VAT1L: variants seen among roughly 807,000 people sequenced by gnomAD.
The protein encoded by VAT1L is putative NADPH-dependent quinone oxidoreductase VAT1L.
A neutral mutation model predicts 44.1 loss-of-function variants in VAT1L; 34 were observed. The observed-to-expected ratio is 0.77, with a 90% CI of 0.59 to 1.03. The LOEUF is 1.03. VAT1L is among the 50% of genes least tolerant of loss of function. VAT1L has a pLI of 0.00. For missense variants in VAT1L, 615 were observed against 538.8 expected, an observed-to-expected ratio of 1.14 and a Z score of -1.40; for synonymous variants, 253 against 202.2, an observed-to-expected ratio of 1.25 and a Z score of -2.13.
Position 77,884,781 on chromosome 16 carries a change from C to T in VAT1L, c.1056C>T (p.Asp352=). 1 of 1,548,724 alleles carries T rather than the reference C, an allele frequency of 6.5e-7. No individual in the cohort carries two copies. The highest frequency in any genetic ancestry group is 8.7e-7 in the Non-Finnish European group (1 of 1,150,368). The change falls in exon 7 of 9, where the codon GAC becomes GAT. Residue 352 remains aspartate, a synonymous_variant. Transcript: ENST00000302536. The surrounding 1 kb of genome is among the most constrained non-coding windows in gnomAD (Gnocchi z 4.5). ...YNQKKIKPVV[D]SLWALEEVKE... is the part of the protein sequence containing the mutation. ...AGAAGAAGATCAAGCCTGTGGTGGA[C>T]TCCTTGTGGGCTCTGGAGGAGGTAA...
intron 7 of VAT1L, among the ~76,000 whole-genome samples, chr16:77,967,172 G>A (rs2018232258): frequency 6.6e-6 from 1 of 152,172 alleles, no homozygotes; most frequent in Non-Finnish European, 1.5e-5. Context: ...GTTGACAACA[G>A]AGGAAGGGGA....
intron 2 of VAT1L, among the ~76,000 whole-genome samples, chr16:77,819,521 A>T (rs2016413089): frequency 6.6e-6 from 1 of 152,038 alleles, no homozygotes; most frequent in Non-Finnish European, 1.5e-5. Flanking sequence ...AGCTGGGATT[A>T]TAGGTGCCTG....
At chr16:77,811,673 C>G (rs2145228612) in intron 1 of VAT1L, among the ~76,000 whole-genome samples, 1 of 152,260 alleles carries the variant, frequency 6.6e-6, no homozygotes, top group East Asian at 1.9e-4. Context: ...GTAGCAGTAT[C>G]ATCACGGGAG....
At chr16:77,973,513 G>A (rs1019275587) in intron 8 of VAT1L, among the ~76,000 whole-genome samples, 3 of 152,172 alleles carry the variant, frequency 2.0e-5, no homozygotes, top group Admixed American at 6.5e-5. Context: ...TTGAACTCCT[G>A]ACCTCATGAT....
intron 7 of VAT1L, among the ~76,000 whole-genome samples, chr16:77,897,021 T>G (rs2017331842): frequency 6.6e-6 from 1 of 152,212 alleles, no homozygotes; most frequent in South Asian, 2.1e-4. Context: ...TAATATATCT[T>G]ATTTGCAGAA....
intron 1 of VAT1L, among the ~76,000 whole-genome samples, chr16:77,799,095 G>C (rs994244506): frequency 6.6e-6 from 1 of 152,096 alleles, no homozygotes; most frequent in African/African-American, 2.4e-5. Flanking sequence ...GAGCCCCAGT[G>C]CAAAGAGAAC....
At chr16:77,961,862 C>G (rs756756418) in intron 7 of VAT1L, among the ~76,000 whole-genome samples, 25 of 152,102 alleles carry the variant, frequency 1.6e-4, no homozygotes, top group Non-Finnish European at 3.2e-4. Flanking sequence ...TTTGTTGTTC[C>G]AAAATGAAGC....
intron 3 of VAT1L, among the ~76,000 whole-genome samples, chr16:77,847,887 C>T (rs1010782798): frequency 3.9e-5 from 6 of 152,142 alleles, no homozygotes; most frequent in Non-Finnish European, 7.4e-5. Flanking sequence ...AGGCTGTCAA[C>T]AAAGAAATAT....
chr16:77,879,072 C>G lies in VAT1L; in HGVS notation c.827-97C>G. On this transcript the variant is annotated intron_variant, in intron 5 of 8. Transcript: ENST00000302536. This position sits in a 1 kb window ranked among gnomAD's most constrained non-coding sequence, Gnocchi z 4.1. ...AATTAAATTTGTTTTCAAGATTTCT[C>G]CAGTTCCGGACCAAACAATTGCCAT... The G allele has an allele frequency of 1.6e-6, 2 of 1,248,130 alleles. No individual in the cohort carries two copies. Among genetic ancestry groups the G allele is most frequent in the Non-Finnish European group, 2.3e-6 (2 of 861,192 alleles). The allele number at this position is 1,248,130 out of a possible 1,614,324, so 77.3% of individuals were successfully genotyped here.
intron 7 of VAT1L, among the ~76,000 whole-genome samples, chr16:77,888,564 T>C (rs1169424834): frequency 6.6e-6 from 1 of 152,198 alleles, no homozygotes; most frequent in Non-Finnish European, 1.5e-5. Flanking sequence ...AGTAAATACA[T>C]AAATAAAAGA....
intron 3 of VAT1L, among the ~76,000 whole-genome samples, chr16:77,843,912 C>T (rs2016732323): frequency 1.3e-5 from 2 of 152,178 alleles, no homozygotes; most frequent in African/African-American, 4.8e-5. Context: ...CTTCCTCTGC[C>T]AGGGAGAGCA....
intron 8 of VAT1L, among the ~76,000 whole-genome samples, chr16:77,973,756 C>T (rs1010623639): frequency 3.3e-5 from 5 of 151,586 alleles, no homozygotes; most frequent in Non-Finnish European, 1.5e-5. Flanking sequence ...GATGGGGTCT[C>T]GCTCTGTCGC....
intron 7 of VAT1L, among the ~76,000 whole-genome samples, chr16:77,925,741 G>A (rs2017659403): frequency 6.6e-6 from 1 of 152,114 alleles, no homozygotes; most frequent in African/African-American, 2.4e-5. Flanking sequence ...AAAATAGATG[G>A]TGATCCTGCA....
intron 7 of VAT1L, among the ~76,000 whole-genome samples, chr16:77,902,767 G>A (rs1360092285): frequency 6.7e-6 from 1 of 149,060 alleles, no homozygotes; most frequent in Non-Finnish European, 1.5e-5. Flanking sequence ...TCAGGAGTTC[G>A]AGACTAGCCT....
At chr16:77,831,171 AG>A (rs991162105) in intron 3 of VAT1L, among the ~76,000 whole-genome samples, 30 of 152,198 alleles carry the variant, frequency 2.0e-4, no homozygotes, top group African/African-American at 6.8e-4. Flanking sequence ...GTCATTTAAT[AG>A]GTGGTGGGGG....
At position 77,977,794 on chromosome 16, in the gene VAT1L, G is replaced by GC; in HGVS notation, c.*99_*100insC. 1 of 1,167,856 alleles carries GC rather than the reference G, an allele frequency of 8.6e-7. No individual in the cohort carries two copies. The highest frequency in any genetic ancestry group is 1.4e-5 in the South Asian group (1 of 69,764). The allele number at this position is 1,167,856 out of a possible 1,614,324, so 72.3% of individuals were successfully genotyped here. A position where few individuals can be genotyped will look rare whatever the true frequency, so the allele number is the denominator to read the frequency against. ...CCCAGTGAACAAATGCTGTAGTCCA[G>GC]TGCGTGTCGTGTTTGTCTGCAGTCA... On this transcript the variant is annotated 3_prime_UTR_variant, in exon 9 of 9. Transcript: ENST00000302536.
At chr16:77,909,210 C>G (rs1274345214) in intron 7 of VAT1L, among the ~76,000 whole-genome samples, 1 of 152,176 alleles carries the variant, frequency 6.6e-6, no homozygotes, top group East Asian at 1.9e-4. Flanking sequence ...TGAAGTCACA[C>G]AGTAAGACAT....
intron 7 of VAT1L, chr16:77,892,945 C>G (rs1048570415): frequency 4.8e-6 from 4 of 838,954 alleles, no homozygotes; most frequent in Non-Finnish European, 8.1e-6. Flanking sequence ...ATCTTAACCT[C>G]CAGACCATTC....
rs1289386673 is a variant in VAT1L at position 77,950,017 on chromosome 16, C to T, written c.1078-21833C>T. The stretch of plus-strand genomic sequence containing the variant: ...GCCATGGCTCTGTAGCCTCGTTTCA[C>T]TGCTGTGGTGATCAAAGTGAGCTGG... On this transcript the variant is annotated intron_variant, in intron 7 of 8. Coordinates refer to ENST00000302536, the MANE Select transcript of VAT1L (RefSeq NM_020927.3). Among the ~76,000 whole-genome samples the T allele has an allele frequency of 3.3e-5, 5 of 152,216 alleles. 1 individual carries two copies. The highest frequency in any genetic ancestry group is 7.2e-5 in the African/African-American group (3 of 41,460).
Sources: gnomAD v4.1 joint callset for allele counts (sites outside exome capture counted in the v4.1 genomes callset) on GRCh38, gnomAD v4.1.1 for gene constraint, Gnocchi (gnomAD v3.1) non-coding constraint, MANE v1.5 for transcripts, NCBI Gene and HGNC (gene_info 2026-07-23, HGNC 2026-07-21) for gene names.